The following ZC2HC1B variants were observed in gnomAD, a reference collection of about 807,000 sequenced individuals.
ZC2HC1B encodes the protein zinc finger C2HC-type containing 1B.
A neutral mutation model predicts 31.0 loss-of-function variants in ZC2HC1B; 36 were observed. The observed-to-expected ratio is 1.16, with a 90% CI of 0.89 to 1.54. The LOEUF (loss-of-function observed/expected upper bound fraction) is 1.54. Ranked by LOEUF, ZC2HC1B falls within the 40% of genes most tolerant of loss-of-function variation. The probability of loss-of-function intolerance (pLI) is 0.00; values close to 1 mark genes in which losing one functional copy is unlikely to be tolerated. For synonymous variants in ZC2HC1B, 73 were observed against 88.0 expected, an observed-to-expected ratio of 0.83 and a Z score of 0.95; for missense variants, 260 against 268.6, an observed-to-expected ratio of 0.97 and a Z score of 0.22.
At chr6:143,920,179 A>G (rs1202804706) in intron 6 of ZC2HC1B, among the ~76,000 whole-genome samples, 1 of 152,086 alleles carries the variant, frequency 6.6e-6, no homozygotes, top group African/African-American at 2.4e-5. Context: ...AGGAGAAAAA[A>G]ACACTCCTTT....
chr6:143,902,966 A>C, intron 5 of ZC2HC1B, 78 bp from the exon 6 acceptor site: 1 of 1,329,646 alleles, frequency 7.5e-7, no homozygotes. Context: ...TTAAGTGGGA[A>C]CAGCTGTACC....
At chr6:143,900,839 TGTTTTG>T (rs1777729204) in intron 5 of ZC2HC1B, among the ~76,000 whole-genome samples, 1 of 152,098 alleles carries the variant, frequency 6.6e-6, no homozygotes, top group East Asian at 1.9e-4. Flanking sequence ...TTTTATAGAT[TGTTTTG>T]TTTTTGTTTT....
chr6:143,908,500 T>A lies in ZC2HC1B; in HGVS notation c.598+5348T>A, dbSNP rs1455080511. Among the ~76,000 whole-genome samples, 1 of 152,252 alleles carries A rather than the reference T, an allele frequency of 6.6e-6. No individual in the cohort carries two copies. Among genetic ancestry groups the A allele is most frequent in the Non-Finnish European group, 1.5e-5 (1 of 68,052 alleles). On this transcript the variant is annotated intron_variant, in intron 6 of 7. Coordinates refer to ENST00000237275, the MANE Select transcript of ZC2HC1B (RefSeq NM_001013623.3). This position sits in a 1 kb window ranked among gnomAD's most constrained non-coding sequence, Gnocchi z 4.4. Reference sequence around the variant, plus strand: ...TTGAAGAGATTCTTCACTTTCCTTGTTAGCTGTATTCCTGGGCATTTTATT... The same window carrying A: ...TTGAAGAGATTCTTCACTTTCCTTGATAGCTGTATTCCTGGGCATTTTATT...
rs2128496690 is a variant in ZC2HC1B, at chr6:143,918,673, C to G, written c.598+15521C>G. Among the ~76,000 whole-genome samples the G allele has an allele frequency of 6.6e-6, 1 of 152,236 alleles. No homozygotes were observed. Among genetic ancestry groups the G allele is most frequent in the East Asian group, 1.9e-4 (1 of 5,188 alleles). ...TTCTCTCTCTGCTCCTTCAGGTATT[C>G]CCACAATGCATATGTTGGTCAGTTT... is the stretch of plus-strand genomic sequence containing the variant. On this transcript the variant is annotated intron_variant, in intron 6 of 7. Coordinates refer to ENST00000237275, the MANE Select transcript of ZC2HC1B (RefSeq NM_001013623.3). This position sits in a 1 kb window ranked among gnomAD's most constrained non-coding sequence, Gnocchi z 4.1.
intron 1 of ZC2HC1B, among the ~76,000 whole-genome samples, chr6:143,866,720 A>G (rs552931773): frequency 6.6e-6 from 1 of 152,332 alleles, no homozygotes; most frequent in South Asian, 2.1e-4. Flanking sequence ...ATGTGGGTTG[A>G]CATTGGTATG....
intron 5 of ZC2HC1B, 53 bp from the exon 6 acceptor site, chr6:143,902,991 T>G: frequency 5.3e-6 from 8 of 1,513,640 alleles, no homozygotes; most frequent in Non-Finnish European, 7.2e-6. Context: ...ATGTGGCACC[T>G]GAGGTTACAT....
At position 143,870,979 on chromosome 6, in the gene ZC2HC1B, C is replaced by G. The variant is rs1422928731; in HGVS notation, c.28+6412C>G. On this transcript the variant is annotated intron_variant, in intron 1 of 7. Coordinates refer to ENST00000237275, the MANE Select transcript of ZC2HC1B (RefSeq NM_001013623.3). This position sits in a 1 kb window ranked among gnomAD's most constrained non-coding sequence, Gnocchi z 4.7. ...GATAAATGGGCCGGATTAACACACC[C>G]ACATGAGAAATGTGTTGCCTCCAAA... 6.6e-6 allele frequency among the ~76,000 whole-genome samples: 1 copy of G among 152,042 alleles called. No individual in the cohort carries two copies. The highest frequency in any genetic ancestry group is 1.5e-5 in the Non-Finnish European group (1 of 68,020).
In ZC2HC1B at chr6:143,911,219, G is replaced by T. The variant is rs1429447761; in HGVS notation, c.598+8067G>T. On this transcript the variant is annotated intron_variant, in intron 6 of 7. Transcript: ENST00000237275. This position sits in a 1 kb window ranked among gnomAD's most constrained non-coding sequence, Gnocchi z 4.5. Reference sequence around the variant, plus strand: ...TGAAGACAGCATATTGATGGGTCCTGGTTCTTTATCCAGTTTGCTGCTCTA... The same window carrying T: ...TGAAGACAGCATATTGATGGGTCCTTGTTCTTTATCCAGTTTGCTGCTCTA... Among the ~76,000 whole-genome samples, 1 of 152,160 alleles carries T rather than the reference G, an allele frequency of 6.6e-6. No individual in the cohort carries two copies. Among genetic ancestry groups the T allele is most frequent in the Non-Finnish European group, 1.5e-5 (1 of 68,024 alleles).
At chr6:143,900,441 AAGACAGGC>A in intron 5 of ZC2HC1B, among the ~76,000 whole-genome samples, 1 of 152,124 alleles carries the variant, frequency 6.6e-6, no homozygotes, top group East Asian at 1.9e-4. Context: ...AGGGACAGGC[AAGACAGGC>A]AGACAGGCAG....
At chr6:143,935,680 A>G (rs1284869296) in intron 6 of ZC2HC1B, among the ~76,000 whole-genome samples, 3 of 78,614 alleles carry the variant, frequency 3.8e-5, no homozygotes, top group Non-Finnish European at 6.8e-5. Flanking sequence ...TTTTTGAGAC[A>G]GGATCTCTCT....
chr6:143,924,904 C>CT lies in ZC2HC1B; in HGVS notation c.599-12739dup, dbSNP rs1216655597. ...TCACTTTGCTAGTATTTTGTTGAAG[C>CT]TTTTTTGTGTCTGTGTTCATCAGGG... is the stretch of plus-strand genomic sequence containing the variant. On this transcript the variant is annotated intron_variant, in intron 6 of 7. Transcript: ENST00000237275. This position sits in a 1 kb window ranked among gnomAD's most constrained non-coding sequence, Gnocchi z 5.2. Among the ~76,000 whole-genome samples, 1 of 151,966 alleles carries CT rather than the reference C, an allele frequency of 6.6e-6. No individual in the cohort carries two copies. The highest frequency in any genetic ancestry group is 2.4e-5 in the African/African-American group (1 of 41,392).
chr6:143,917,216 C>T lies in ZC2HC1B; in HGVS notation c.598+14064C>T, dbSNP rs372928918. On this transcript the variant is annotated intron_variant, in intron 6 of 7. Coordinates refer to ENST00000237275, the MANE Select transcript of ZC2HC1B (RefSeq NM_001013623.3). The surrounding 1 kb of genome is among the most constrained non-coding windows in gnomAD (Gnocchi z 4.1). ...TTCTCTTGTCTGCTGCCATGTGAGA[C>T]GTGCCTTTCACCTTCCACTGTGATT... is the stretch of plus-strand genomic sequence containing the variant. Among the ~76,000 whole-genome samples, 12 of 152,330 alleles carry T rather than the reference C, an allele frequency of 7.9e-5. No individual in the cohort carries two copies. The highest frequency in any genetic ancestry group is 4.6e-4 in the Admixed American group (7 of 15,302).
At chr6:143,873,552 T>A (rs577587201) in intron 1 of ZC2HC1B, among the ~76,000 whole-genome samples, 1 of 152,226 alleles carries the variant, frequency 6.6e-6, no homozygotes, top group Admixed American at 6.5e-5. Context: ...CAGCAAACTT[T>A]TGCCTGAGAA....
At chr6:143,890,975 A>T (rs1288652350) in intron 4 of ZC2HC1B, among the ~76,000 whole-genome samples, 1 of 151,782 alleles carries the variant, frequency 6.6e-6, no homozygotes, top group Non-Finnish European at 1.5e-5. Context: ...TAAAAAAAAT[A>T]CAAAAATTAG....
rs1257048365 is a variant in ZC2HC1B, at chr6:143,895,161, T to C, written c.350-3391T>C. ...AGTTCTAGAGAATTTATTTGTTTTT[T>C]GTTGTTGTTGTTGTTTTTGAGACAG... On this transcript the variant is annotated intron_variant, in intron 4 of 7. Transcript: ENST00000237275. This position sits in a 1 kb window ranked among gnomAD's most constrained non-coding sequence, Gnocchi z 4.8. Among the ~76,000 whole-genome samples, 3 of 151,976 alleles carry C rather than the reference T, an allele frequency of 2.0e-5. No individual in the cohort carries two copies. Among genetic ancestry groups the C allele is most frequent in the African/African-American group, 7.3e-5 (3 of 41,292 alleles).
chr6:143,873,701 G>C (rs910542674), intron 1 of ZC2HC1B, among the ~76,000 whole-genome samples: 1 of 152,238 alleles, frequency 6.6e-6, no homozygotes, highest in East Asian at 1.9e-4. Context: ...GGCATAGCCC[G>C]AGCTGTACAT....
rs1297432706 is a variant in ZC2HC1B at position 143,924,547 on chromosome 6, C to A, written c.599-13102C>A. Among the ~76,000 whole-genome samples, 1 of 151,984 alleles carries A rather than the reference C, an allele frequency of 6.6e-6. No homozygotes were observed. Among genetic ancestry groups the A allele is most frequent in the Non-Finnish European group, 1.5e-5 (1 of 67,954 alleles). ...TTGAATAAAAGTGATGACCCTATCTCTAAATAAATAATAAAAATGAAGTGG... is the reference window on the plus strand; with the variant it reads ...TTGAATAAAAGTGATGACCCTATCTATAAATAAATAATAAAAATGAAGTGG... On this transcript the variant is annotated intron_variant, in intron 6 of 7. Transcript: ENST00000237275. The surrounding 1 kb of genome is among the most constrained non-coding windows in gnomAD (Gnocchi z 5.2).
chr6:143,899,666 G>A lies in ZC2HC1B; in HGVS notation c.489+975G>A, dbSNP rs933192989. Among the ~76,000 whole-genome samples, 4 of 152,128 alleles carry A rather than the reference G, an allele frequency of 2.6e-5. No homozygotes were observed. The East Asian group carries it at 5.8e-4, about 22-fold the overall frequency. Reference sequence around the variant, plus strand: ...TGCTAGAACTACAAGTGTGAGCATCGTGCCTGGCCCCTACAGCCTGTTTAG... The same window carrying A: ...TGCTAGAACTACAAGTGTGAGCATCATGCCTGGCCCCTACAGCCTGTTTAG... On this transcript the variant is annotated intron_variant, in intron 5 of 7. Transcript: ENST00000237275. This position sits in a 1 kb window ranked among gnomAD's most constrained non-coding sequence, Gnocchi z 5.0.
chr6:143,874,712 T>G (rs1159231963), intron 1 of ZC2HC1B, among the ~76,000 whole-genome samples: 1 of 152,212 alleles, frequency 6.6e-6, no homozygotes, highest in Non-Finnish European at 1.5e-5. Context: ...CCAGCCCCCA[T>G]GATTCAATTA....
Sources: allele counts gnomAD v4.1 joint callset (sites outside exome capture counted in the v4.1 genomes callset), GRCh38; gene constraint gnomAD v4.1.1; non-coding constraint Gnocchi (gnomAD v3.1); transcripts MANE v1.5; gene names NCBI Gene and HGNC (gene_info 2026-07-23, HGNC 2026-07-21).